ATP8A2: variants seen among roughly 807,000 people sequenced by gnomAD.
ATP8A2 encodes phospholipid-transporting ATPase IB.
ATP8A2 carries 100 observed loss-of-function variants against 165.6 expected under a neutral mutation model. That is an observed-to-expected ratio of 0.60 (90% CI 0.51 to 0.71). The LOEUF (loss-of-function observed/expected upper bound fraction) is 0.71, where lower values mean the gene tolerates loss of function less well. Ranked by LOEUF, ATP8A2 falls within the 30% of genes least tolerant of loss-of-function variation. The probability of loss-of-function intolerance (pLI) is 0.00; values close to 1 mark genes in which losing one functional copy is unlikely to be tolerated. For missense variants in ATP8A2, 1,227 were observed against 1,479.5 expected (o/e 0.83, Z 2.80); for synonymous variants, 543 against 548.8 (o/e 0.99, Z 0.15).
At chr13:25,563,812 C>A in intron 15 of ATP8A2, 144 bp from the exon 16 acceptor site, 1 of 577,040 alleles carries the variant, frequency 1.7e-6, no homozygotes, top group Non-Finnish European at 3.1e-6. Flanking sequence ...AATAATAATA[C>A]AGAATTTCAA....
intron 1 of ATP8A2, among the ~76,000 whole-genome samples, chr13:25,450,709 T>A (rs557100698): frequency 2.6e-5 from 4 of 152,196 alleles, no homozygotes; most frequent in Non-Finnish European, 4.4e-5. Flanking sequence ...TTTTTTGTAT[T>A]TTTAATAGAG....
intron 2 of ATP8A2, among the ~76,000 whole-genome samples, chr13:25,483,698 T>TGAC (rs753102469): frequency 1.4e-4 from 21 of 152,166 alleles, no homozygotes; most frequent in Non-Finnish European, 2.9e-4. Context: ...GCTAGGAGTT[T>TGAC]GACACCAGCC....
intron 20 of ATP8A2, 56 bp from the exon 21 acceptor site, chr13:25,578,759 C>A: frequency 1.0e-6 from 1 of 993,254 alleles, no homozygotes; most frequent in Non-Finnish European, 1.6e-6. Context: ...GCTTAGTATG[C>A]TGGCTGGAAG....
rs139961997 is a variant in ATP8A2 at position 25,750,592 on chromosome 13, G to A, written c.2385-18454G>A. ...TACTTTCAGTTCAGCAGGGCCCTTC[G>A]CCCCACCACGTGATGGGATTCTAGA... is the stretch of plus-strand genomic sequence containing the variant. On this transcript the variant is annotated intron_variant, in intron 25 of 36. Transcript: ENST00000381655. The surrounding 1 kb of genome is among the most constrained non-coding windows in gnomAD (Gnocchi z 4.3). 5.9e-5 allele frequency among the ~76,000 whole-genome samples: 9 copies of A among 152,206 alleles called. No homozygotes were observed. The highest frequency in any genetic ancestry group is 8.8e-5 in the Non-Finnish European group (6 of 68,018).
chr13:25,960,966 A>C (rs965515580), intron 33 of ATP8A2, among the ~76,000 whole-genome samples: 1 of 152,146 alleles, frequency 6.6e-6, no homozygotes, highest in Non-Finnish European at 1.5e-5. Context: ...GGCACATCTC[A>C]TACTCTGTCG....
At chr13:25,537,931 A>G in intron 6 of ATP8A2, 57 bp from the exon 7 acceptor site, 1 of 1,215,840 alleles carries the variant, frequency 8.2e-7, no homozygotes, top group Non-Finnish European at 1.2e-6. Context: ...CTTTTTCACC[A>G]TGTGTGTTTT....
intron 25 of ATP8A2, among the ~76,000 whole-genome samples, chr13:25,767,713 A>G (rs562325144): frequency 6.6e-6 from 1 of 152,204 alleles, no homozygotes; most frequent in Non-Finnish European, 1.5e-5. Context: ...GCTAAAAGGG[A>G]TATCAGATTG....
chr13:26,001,827 A>G (rs956260421), intron 35 of ATP8A2, among the ~76,000 whole-genome samples: 2 of 151,972 alleles, frequency 1.3e-5, no homozygotes, highest in African/African-American at 4.8e-5. Context: ...TTGTCTTTTC[A>G]TTTCCTTGAT....
At chr13:25,573,026 A>G (rs1397249977) in intron 18 of ATP8A2, among the ~76,000 whole-genome samples, 1 of 152,224 alleles carries the variant, frequency 6.6e-6, no homozygotes, top group Non-Finnish European at 1.5e-5. Context: ...TGCTTATTTT[A>G]GTCAACAAAG....
chr13:25,573,107 G>A (rs573281421), intron 18 of ATP8A2, among the ~76,000 whole-genome samples: 42 of 152,178 alleles, frequency 2.8e-4, no homozygotes, highest in African/African-American at 9.4e-4. Context: ...AGAATTTCCC[G>A]TACAGAAGCT....
intron 33 of ATP8A2, among the ~76,000 whole-genome samples, chr13:25,877,902 G>A (rs940399248): frequency 2.0e-5 from 3 of 152,166 alleles, no homozygotes; most frequent in African/African-American, 7.2e-5. Context: ...CATTTCCAGC[G>A]ACTTCCTAAC....
intron 18 of ATP8A2, among the ~76,000 whole-genome samples, chr13:25,573,692 TG>T (rs1453826164): frequency 6.6e-6 from 1 of 151,814 alleles, no homozygotes. Context: ...CTCCTGGGAG[TG>T]GCAGCCCTGG....
chr13:25,568,103 C>T (rs1239279594), intron 16 of ATP8A2, among the ~76,000 whole-genome samples: 2 of 152,172 alleles, frequency 1.3e-5, no homozygotes, highest in Non-Finnish European at 2.9e-5. Context: ...CCTATGTCAT[C>T]ATTTCAAATT....
chr13:25,575,004 T>C, intron 19 of ATP8A2, 147 bp downstream of exon 19: 1 of 471,312 alleles, frequency 2.1e-6, no homozygotes, highest in Non-Finnish European at 3.7e-6. Context: ...TCTTTTCTTC[T>C]TGGAATTTGT....
At chr13:25,500,663 C>G (rs7987762) in intron 2 of ATP8A2, among the ~76,000 whole-genome samples, 97,300 of 151,986 alleles carry the variant, frequency 0.64, 32,230 homozygotes, top group Middle Eastern at 0.72. Flanking sequence ...TTGGCTTACC[C>G]CAACCTCCAC....
intron 33 of ATP8A2, among the ~76,000 whole-genome samples, chr13:25,903,856 T>G (rs1384620422): frequency 1.3e-5 from 2 of 152,222 alleles, no homozygotes; most frequent in Non-Finnish European, 2.9e-5. Context: ...TCACACAATG[T>G]ATAAGCTCTA....
chr13:25,478,638 G>C (rs2036063845), intron 2 of ATP8A2, among the ~76,000 whole-genome samples: 1 of 152,086 alleles, frequency 6.6e-6, no homozygotes, highest in African/African-American at 2.4e-5. Context: ...AAAATGATTT[G>C]GGGTTGAGTT....
At chr13:25,931,637 A>G (rs1954771158) in intron 33 of ATP8A2, among the ~76,000 whole-genome samples, 1 of 152,210 alleles carries the variant, frequency 6.6e-6, no homozygotes, top group African/African-American at 2.4e-5. Flanking sequence ...ACAGTCTGCA[A>G]TACCTGAACC....
intron 1 of ATP8A2, among the ~76,000 whole-genome samples, chr13:25,417,036 G>A (rs1282286668): frequency 2.6e-5 from 4 of 151,632 alleles, no homozygotes; most frequent in Admixed American, 2.6e-4. Flanking sequence ...CTCGGGGGGT[G>A]GTTTAGAACA....
Sources: gnomAD v4.1 joint callset for allele counts (sites outside exome capture counted in the v4.1 genomes callset) on GRCh38, gnomAD v4.1.1 for gene constraint, Gnocchi (gnomAD v3.1) non-coding constraint, MANE v1.5 for transcripts, NCBI Gene and HGNC (gene_info 2026-07-23, HGNC 2026-07-21) for gene names.